The following STARD9 variants were observed in gnomAD, a reference collection of about 807,000 sequenced individuals.
The protein encoded by STARD9 is StAR related lipid transfer domain containing 9, also known as stAR-related lipid transfer protein 9.
A neutral mutation model predicts 399.8 loss-of-function variants in STARD9; 346 were observed. The observed-to-expected ratio is 0.87, with a 90% CI of 0.79 to 0.95. The LOEUF is 0.95. Among genes scored for constraint, STARD9 ranks in the 40% least tolerant of loss-of-function variants. The probability of loss-of-function intolerance (pLI) is 0.00; values close to 1 mark genes in which losing one functional copy is unlikely to be tolerated. For synonymous variants in STARD9, 2,203 were observed against 2,143.5 expected (o/e 1.03, Z -0.77); for missense variants, 5,832 against 5,667.5 (o/e 1.03, Z -0.93).
At chr15:42,712,950 A>G (rs574194939) in intron 26 of STARD9, among the ~76,000 whole-genome samples, 1 of 152,308 alleles carries the variant, frequency 6.6e-6, no homozygotes, top group South Asian at 2.1e-4. Flanking sequence ...AGATTTCCAT[A>G]TGAATTTTAG....
chr15:42,636,336 A>T (rs2059417479), intron 4 of STARD9, among the ~76,000 whole-genome samples: 1 of 152,080 alleles, frequency 6.6e-6, no homozygotes, highest in Non-Finnish European at 1.5e-5. Flanking sequence ...TAATACCAGC[A>T]CTTTGGGAGG....
At chr15:42,705,862 C>T (rs1051567266) in intron 26 of STARD9, among the ~76,000 whole-genome samples, 1 of 152,162 alleles carries the variant, frequency 6.6e-6, no homozygotes, top group African/African-American at 2.4e-5. Context: ...AAGCGATTCT[C>T]TTGTCTCAGC....
Position 42,693,741 on chromosome 15 carries a change from A to G in STARD9, c.12163A>G (p.Arg4055Gly), listed in dbSNP as rs1463470801. The change falls in exon 23 of 33, where the codon AGG becomes GGG. Residue 4055 changes from arginine (R) to glycine (G), a missense_variant. Arg to Gly is a moderately radical substitution (Grantham distance 125). This residue lies in a region of STARD9 where 5,828 missense variants were observed against 5,651.1 expected (regional missense o/e 1.03). Coordinates refer to ENST00000290607, the MANE Select transcript of STARD9 (RefSeq NM_020759.3). ...TAGGGAGCCAAGTCAGTGGCAGAGC[A>G]GGACAGAAAATGGAGGTGAGAGTTC... ...SGREPSQWQS[R>G]TENGGESSAS... 3 of 1,536,802 alleles carry G rather than the reference A, an allele frequency of 2.0e-6. No individual in the cohort carries two copies. The highest frequency in any genetic ancestry group is 2.6e-6 in the Non-Finnish European group (3 of 1,146,860).
intron 26 of STARD9, among the ~76,000 whole-genome samples, chr15:42,699,480 G>A (rs1270104633): frequency 5.0e-5 from 7 of 140,844 alleles, no homozygotes; most frequent in Non-Finnish European, 7.5e-5. Context: ...TGCAAGCTCC[G>A]CCTCCCGGGT....
intron 10 of STARD9, among the ~76,000 whole-genome samples, chr15:42,661,736 C>A (rs761091016): frequency 2.0e-5 from 3 of 151,840 alleles, no homozygotes; most frequent in Admixed American, 6.6e-5. Flanking sequence ...GGATTACAAG[C>A]GTGAGCCACT....
Position 42,718,947 on chromosome 15 carries a change from C to A in STARD9, c.14001+37C>A, listed in dbSNP as rs150750050. The A allele has an allele frequency of 2.1e-3, 3,146 of 1,526,760 alleles. 10 individuals carry two copies. The highest frequency in any genetic ancestry group is 2.8e-3 in the Middle Eastern group (16 of 5,620). 94.6% of individuals were successfully genotyped at this position (1,526,760 alleles called of 1,614,324 possible). A position where few individuals can be genotyped will look rare whatever the true frequency, so the allele number is the denominator to read the frequency against. On this transcript the variant is annotated intron_variant, in intron 32 of 32. Coordinates refer to ENST00000290607, the MANE Select transcript of STARD9 (RefSeq NM_020759.3). ...TTTGCAGCTGGCCTCACAGCACAGG[C>A]TGACTTGGTCCCACAGCCCCCTGGG...
chr15:42,663,467 A>G lies in STARD9; in HGVS notation c.1055A>G (p.Asn352Ser). The G allele has an allele frequency of 1.3e-6, 2 of 1,537,222 alleles. No individual in the cohort carries two copies. The highest frequency in any genetic ancestry group is 1.7e-6 in the Non-Finnish European group (2 of 1,146,894). The change falls in exon 12 of 33, where the codon AAC becomes AGC. Residue 352 changes from asparagine to serine, a missense_variant. Asn to Ser is a conservative substitution (Grantham distance 46, BLOSUM62 1). Transcript: ENST00000290607. ...CTGCTGAAGGACAGCCTTGGAGGCAACTCTAAAACCATCATGGTTGCCAGT... is the reference window on the plus strand; with the variant it reads ...CTGCTGAAGGACAGCCTTGGAGGCAGCTCTAAAACCATCATGGTTGCCAGT... ...TWLLKDSLGG[N>S]SKTIMVATVS...
chr15:42,675,458 C>G (rs1390112213), intron 18 of STARD9: 1 of 558,372 alleles, frequency 1.8e-6, no homozygotes, highest in African/African-American at 1.9e-5. Context: ...AACTTCCTTT[C>G]CCTTGGAATA....
intron 16 of STARD9, among the ~76,000 whole-genome samples, chr15:42,673,730 G>T (rs547200850): frequency 8.5e-5 from 13 of 152,286 alleles, no homozygotes; most frequent in African/African-American, 3.1e-4. Flanking sequence ...TTGCCATGTT[G>T]CTGCCTTTTC....
intron 1 of STARD9, among the ~76,000 whole-genome samples, chr15:42,578,624 TG>T (rs1195479248): frequency 1.2e-4 from 17 of 143,966 alleles, no homozygotes; most frequent in East Asian, 3.9e-4. Context: ...TGTATAGCTT[TG>T]TTTTTTTTTT....
chr15:42,575,879 G>A (rs1194002696), intron 1 of STARD9, 117 bp downstream of exon 1: 6 of 1,153,346 alleles, frequency 5.2e-6, no homozygotes, highest in Non-Finnish European at 7.5e-6. Context: ...AGTGACCCGG[G>A]GGGTCGGGGT....
At chr15:42,665,961 T>A in intron 15 of STARD9, 113 bp downstream of exon 15, 2 of 844,652 alleles carry the variant, frequency 2.4e-6, no homozygotes, top group African/African-American at 1.7e-5. Flanking sequence ...CTGTCTCATT[T>A]AAATACAATG....
intron 7 of STARD9, among the ~76,000 whole-genome samples, chr15:42,649,210 A>T (rs1048694917): frequency 1.3e-5 from 2 of 152,058 alleles, no homozygotes; most frequent in Admixed American, 1.3e-4. Context: ...TTGTATTTTC[A>T]TGAGAGACGG....
At position 42,718,525 on chromosome 15, in the gene STARD9, T is replaced by G. The variant is rs1354232885; in HGVS notation, c.13842+11T>G. The G allele has an allele frequency of 6.5e-7, 1 of 1,536,472 alleles. No individual in the cohort carries two copies. Among genetic ancestry groups the G allele is most frequent in the African/African-American group, 1.4e-5 (1 of 73,106 alleles). The stretch of plus-strand genomic sequence containing the variant: ...GTGGAAGCCAAAGAGGTGCCTGCCT[T>G]GGTGGTAAAGATGTTGTGGGAAGAA... On this transcript the variant is annotated intron_variant, in intron 31 of 32. Transcript: ENST00000290607.
chr15:42,680,716 C>T (rs1178648370), intron 20 of STARD9, among the ~76,000 whole-genome samples: 1 of 152,154 alleles, frequency 6.6e-6, no homozygotes, highest in East Asian at 1.9e-4. Flanking sequence ...ACTCACTCTC[C>T]CTCATTCCCT....
chr15:42,599,800 G>A (rs954319091), intron 3 of STARD9, among the ~76,000 whole-genome samples: 1 of 152,190 alleles, frequency 6.6e-6, no homozygotes, highest in Non-Finnish European at 1.5e-5. Flanking sequence ...GGAATACAGA[G>A]TAGTAGATGT....
chr15:42,699,392 C>CTTTTCTTTTTTTTTTTTTTTTT (rs1359323091), intron 26 of STARD9, among the ~76,000 whole-genome samples: 14 of 113,292 alleles, frequency 1.2e-4, no homozygotes, highest in African/African-American at 4.9e-4. Flanking sequence ...TTTTTCTTTT[C>CTTTTCTTTTTTTTTTTTTTTTT]TTTTTTTTTT....
Position 42,690,668 on chromosome 15 carries a change from T to G in STARD9, c.9090T>G (p.Val3030=). 1 of 1,537,184 alleles carries G rather than the reference T, an allele frequency of 6.5e-7. No individual in the cohort carries two copies. The highest frequency in any genetic ancestry group is 8.7e-7 in the Non-Finnish European group (1 of 1,146,906). ...HLTHGLEPKD[V]NREFRLTESS... is the part of the protein sequence containing the mutation. The stretch of plus-strand genomic sequence containing the variant: ...CACATGGCCTTGAGCCCAAAGATGT[T>G]AACAGGGAATTTAGGCTAACAGAGA... The change falls in exon 23 of 33, where the codon GTT becomes GTG. Residue 3030 remains valine (V), a synonymous_variant. Coordinates refer to ENST00000290607, the MANE Select transcript of STARD9 (RefSeq NM_020759.3).
chr15:42,577,867 A>G (rs779765022), intron 1 of STARD9, among the ~76,000 whole-genome samples: 3 of 152,234 alleles, frequency 2.0e-5, no homozygotes, highest in Non-Finnish European at 2.9e-5. Flanking sequence ...AGTCATTGGC[A>G]CACACTCAGT....
Sources: allele counts gnomAD v4.1 joint callset (sites outside exome capture counted in the v4.1 genomes callset), GRCh38; gene constraint gnomAD v4.1.1; regional missense constraint gnomAD v4.1.1; transcripts MANE v1.5; gene names NCBI Gene and HGNC (gene_info 2026-07-23, HGNC 2026-07-21).